Variants in DTNA observed in about 807,000 individuals in gnomAD.
DTNA encodes the protein dystrobrevin alpha, also known as dystrophin-related protein 3.
Under a neutral mutation model 100.7 loss-of-function variants are expected in DTNA, and 43 were observed. The observed-to-expected ratio is 0.43, with a 90% confidence interval of 0.33 to 0.55. The LOEUF is 0.55. Ranked by LOEUF, DTNA falls within the 20% of genes least tolerant of loss-of-function variation. DTNA has a pLI of 0.04. For missense variants in DTNA, 798 were observed against 953.9 expected (o/e 0.84, Z 2.15); for synonymous variants, 349 against 347.9 (o/e 1.00, Z -0.04).
chr18:34,753,630 C>T (rs1451036918), intron 1 of DTNA, among the ~76,000 whole-genome samples: 1 of 151,326 alleles, frequency 6.6e-6, no homozygotes, highest in Non-Finnish European at 1.5e-5. Context: ...GATCCGCCCG[C>T]CTCGGCCTCC....
chr18:34,657,550 T>C (rs1315552727), intron 1 of DTNA, among the ~76,000 whole-genome samples: 1 of 152,192 alleles, frequency 6.6e-6, no homozygotes, highest in African/African-American at 2.4e-5. Context: ...AAAGCAAAAA[T>C]ATACTTAAAA....
rs1488008808 is a variant in DTNA at position 34,891,324 on chromosome 18, G to T, written c.*3590G>T. On this transcript the variant is annotated 3_prime_UTR_variant, in exon 23 of 23. Coordinates refer to ENST00000444659, the MANE Select transcript of DTNA (RefSeq NM_001386795.1). ...TCCTGGGGACATGTTATATTTTGAA[G>T]TGATTAAACTATTTAATTGTGTGTC... The T allele has an allele frequency of 6.6e-6, 1 of 152,460 alleles. No individual in the cohort carries two copies. The highest frequency in any genetic ancestry group is 6.6e-5 in the Admixed American group (1 of 15,252). 9.4% of individuals were successfully genotyped at this position (152,460 alleles called of 1,614,324 possible).
At position 34,872,005 on chromosome 18, in the gene DTNA, A is replaced by T. The variant is rs943996809; in HGVS notation, c.1744-3234A>T. Reference sequence around the variant, plus strand: ...TGCACCAATTAGAGATTCCTTTGGGAAATGGTGGCTATTCATCATTCACAC... The same window carrying T: ...TGCACCAATTAGAGATTCCTTTGGGTAATGGTGGCTATTCATCATTCACAC... On this transcript the variant is annotated intron_variant, in intron 17 of 22. Transcript: ENST00000444659. 2.0e-5 allele frequency among the ~76,000 whole-genome samples: 3 copies of T among 152,252 alleles called. No individual in the cohort carries two copies. In the East Asian group the frequency reaches 5.8e-4, roughly 29 times the overall value.
chr18:34,847,484 G>T (rs2096400883), intron 13 of DTNA, among the ~76,000 whole-genome samples: 1 of 152,172 alleles, frequency 6.6e-6, no homozygotes, highest in Admixed American at 6.5e-5. Flanking sequence ...AATTTCTGTA[G>T]GTTGAGAATC....
At chr18:34,505,409 C>CT (rs1282415655) in intron 1 of DTNA, among the ~76,000 whole-genome samples, 8 of 152,212 alleles carry the variant, frequency 5.3e-5, no homozygotes, top group Non-Finnish European at 1.2e-4. Context: ...TACCAAATCT[C>CT]TTTTTTCCAT....
At chr18:34,832,906 C>T (rs1177282061) in intron 11 of DTNA, among the ~76,000 whole-genome samples, 1 of 152,104 alleles carries the variant, frequency 6.6e-6, no homozygotes, top group African/African-American at 2.4e-5. Context: ...ATTTTATACA[C>T]TATAGATAGT....
intron 1 of DTNA, among the ~76,000 whole-genome samples, chr18:34,499,506 A>G (rs1447815403): frequency 6.6e-6 from 1 of 152,194 alleles, no homozygotes; most frequent in Non-Finnish European, 1.5e-5. Context: ...TTTGGGATAA[A>G]TTCCCAGAAG....
intron 1 of DTNA, among the ~76,000 whole-genome samples, chr18:34,637,660 T>C (rs2058807019): frequency 6.6e-6 from 1 of 152,164 alleles, no homozygotes; most frequent in Non-Finnish European, 1.5e-5. Flanking sequence ...CCTGGACCTA[T>C]TGATTTGGGG....
intron 15 of DTNA, among the ~76,000 whole-genome samples, chr18:34,854,064 A>G (rs930921914): frequency 3.2e-4 from 48 of 152,334 alleles, no homozygotes; most frequent in African/African-American, 1.1e-3. Flanking sequence ...AGAGGGCTCG[A>G]AGCAAACAAT....
At position 34,794,129 on chromosome 18, in the gene DTNA, T is replaced by C. The variant is rs1020776990; in HGVS notation, c.241T>C (p.Leu81=). ...DPNTELNVSR[L]EAVLSTIFYQ... Reference sequence around the variant, plus strand: ...AAACACTGAACTCAACGTGTCCCGCTTAGAGGCTGTGCTCTCCACTATTTT... The same window carrying C: ...AAACACTGAACTCAACGTGTCCCGCCTAGAGGCTGTGCTCTCCACTATTTT... Residue 81 remains leucine, a synonymous_variant, in exon 4 of 23, where the codon TTA becomes CTA. Coordinates refer to ENST00000444659, the MANE Select transcript of DTNA (RefSeq NM_001386795.1). The C allele has an allele frequency of 6.2e-7, 1 of 1,614,062 alleles. No individual in the cohort carries two copies. The highest frequency in any genetic ancestry group is 8.5e-7 in the Non-Finnish European group (1 of 1,180,016).
At chr18:34,811,812 T>C in intron 5 of DTNA, 147 bp from the exon 6 acceptor site, 1 of 926,548 alleles carries the variant, frequency 1.1e-6, no homozygotes, top group Non-Finnish European at 1.6e-6. Flanking sequence ...GCCAGGAATA[T>C]TTCAGCATAA....
chr18:34,668,490 T>C (rs12954139), intron 1 of DTNA, among the ~76,000 whole-genome samples: 16,356 of 151,834 alleles, frequency 0.11, 1,258 homozygotes, highest in African/African-American at 0.22. Context: ...TTTGCTCTTG[T>C]TTCTCTAGTT....
At chr18:34,639,248 GCT>G (rs2058996890) in intron 1 of DTNA, among the ~76,000 whole-genome samples, 1 of 152,172 alleles carries the variant, frequency 6.6e-6, no homozygotes, top group African/African-American at 2.4e-5. Context: ...GCTGTCCTGT[GCT>G]TTGTGGCATG....
At chr18:34,878,263 C>T (rs2096838448) in intron 19 of DTNA, among the ~76,000 whole-genome samples, 1 of 151,988 alleles carries the variant, frequency 6.6e-6, no homozygotes, top group South Asian at 2.1e-4. Context: ...CTATGCCTGG[C>T]CTATTCAGAT....
intron 5 of DTNA, among the ~76,000 whole-genome samples, chr18:34,810,095 A>G (rs1301084958): frequency 6.6e-6 from 1 of 152,206 alleles, no homozygotes; most frequent in Non-Finnish European, 1.5e-5. Context: ...TAAGGATCTT[A>G]AGGGATTCTA....
At chr18:34,855,864 C>A (rs561094094) in intron 15 of DTNA, among the ~76,000 whole-genome samples, 2 of 152,320 alleles carry the variant, frequency 1.3e-5, no homozygotes, top group African/African-American at 2.4e-5. Flanking sequence ...TGCTTCCACT[C>A]GGGCATGGGG....
chr18:34,517,627 C>T (rs907586074), intron 1 of DTNA, among the ~76,000 whole-genome samples: 7 of 152,014 alleles, frequency 4.6e-5, no homozygotes, highest in Admixed American at 3.3e-4. Context: ...CATCCCTAAC[C>T]TCTGACAACC....
intron 17 of DTNA, among the ~76,000 whole-genome samples, chr18:34,871,255 T>C (rs891204555): frequency 2.0e-5 from 3 of 152,184 alleles, no homozygotes; most frequent in African/African-American, 7.2e-5. Context: ...TCAAAACACT[T>C]CCTGGAAAAT....
chr18:34,680,613 A>C (rs993262469), intron 1 of DTNA, among the ~76,000 whole-genome samples: 1 of 152,158 alleles, frequency 6.6e-6, no homozygotes, highest in Non-Finnish European at 1.5e-5. Flanking sequence ...ATGGCAAATA[A>C]TGCTTTCATA....
Sources: allele counts gnomAD v4.1 joint callset (sites outside exome capture counted in the v4.1 genomes callset), GRCh38; gene constraint gnomAD v4.1.1; transcripts MANE v1.5; gene names NCBI Gene and HGNC (gene_info 2026-07-23, HGNC 2026-07-21).